ATRN: variants seen among roughly 807,000 people sequenced by gnomAD.
ATRN encodes the protein attractin-2.
A neutral mutation model predicts 178.7 loss-of-function variants in ATRN; 54 were observed. The observed-to-expected ratio is 0.30, with a 90% confidence interval of 0.24 to 0.38. The LOEUF (loss-of-function observed/expected upper bound fraction) is 0.38, where lower values mean the gene tolerates loss of function less well. Ranked by LOEUF, ATRN falls within the 10% of genes least tolerant of loss-of-function variation. The pLI, the probability that ATRN is intolerant of heterozygous loss-of-function variation, is 1.00. For missense variants in ATRN, 1,443 were observed against 1,815.1 expected (o/e 0.79, Z 3.73); for synonymous variants, 636 against 663.0 (o/e 0.96, Z 0.63).
Position 3,562,327 on chromosome 20 carries a change from G to A in ATRN, c.1499G>A (p.Gly500Asp), listed in dbSNP as rs774874714. ...ACCCAGGGTGCCCTTGTGCAAGGGGGTTACGGCCATAGCAGTGTTTACGAC... is the reference window on the plus strand; with the variant it reads ...ACCCAGGGTGCCCTTGTGCAAGGGGATTACGGCCATAGCAGTGTTTACGAC... ...LHTQGALVQG[G>D]YGHSSVYDHR... Residue 500 changes from glycine (G) to aspartate (D), a missense_variant, in exon 9 of 29, where the codon GGT becomes GAT. Transcript: ENST00000262919. 1 of 1,614,072 alleles carries A rather than the reference G, an allele frequency of 6.2e-7. No individual in the cohort carries two copies. The highest frequency in any genetic ancestry group is 8.5e-7 in the Non-Finnish European group (1 of 1,179,996).
chr20:3,518,176 T>C (rs1470401572), intron 1 of ATRN, among the ~76,000 whole-genome samples: 1 of 152,156 alleles, frequency 6.6e-6, no homozygotes, highest in Non-Finnish European at 1.5e-5. Context: ...GTCCAGGATG[T>C]TGGCAATCCA....
intron 1 of ATRN, among the ~76,000 whole-genome samples, chr20:3,525,791 T>G (rs879769813): frequency 2.6e-5 from 4 of 152,072 alleles, no homozygotes; most frequent in African/African-American, 7.2e-5. Context: ...ACAGAACCAA[T>G]GACAAAAACA....
chr20:3,550,769 C>G (rs1158204637), intron 6 of ATRN, among the ~76,000 whole-genome samples: 1 of 152,144 alleles, frequency 6.6e-6, no homozygotes, highest in African/African-American at 2.4e-5. Flanking sequence ...CTCTACAGAG[C>G]TTTTCTTACA....
At chr20:3,607,788 T>C (rs1035503761) in intron 24 of ATRN, among the ~76,000 whole-genome samples, 1 of 152,114 alleles carries the variant, frequency 6.6e-6, no homozygotes, top group African/African-American at 2.4e-5. Context: ...TGAGCAGTCT[T>C]CATACTGTCT....
intron 3 of ATRN, among the ~76,000 whole-genome samples, chr20:3,540,684 A>G (rs2085605892): frequency 6.6e-6 from 1 of 152,234 alleles, no homozygotes; most frequent in Admixed American, 6.5e-5. Context: ...TGAAAAATTT[A>G]AATCAGGAAT....
chr20:3,613,654 C>G (rs1256433460), intron 24 of ATRN, among the ~76,000 whole-genome samples: 2 of 152,172 alleles, frequency 1.3e-5, no homozygotes, highest in East Asian at 3.9e-4. Context: ...GCAGGCAAAG[C>G]CGTTTTGCCT....
intron 28 of ATRN, among the ~76,000 whole-genome samples, chr20:3,644,679 C>T (rs1220356646): frequency 6.6e-6 from 1 of 152,214 alleles, no homozygotes; most frequent in Non-Finnish European, 1.5e-5. Flanking sequence ...CTTCTCCACT[C>T]CACAACTTCC....
rs543256997 is a variant in ATRN, at chr20:3,605,526, C to A, written c.3801+1264C>A. Among the ~76,000 whole-genome samples, 7 of 152,262 alleles carry A rather than the reference C, an allele frequency of 4.6e-5. No homozygotes were observed. The South Asian group carries it at 1.2e-3, about 27-fold the overall frequency. ...AACCTAAATGCCCATCAGTGATAGA[C>A]TGGATAAAGAAAATGTGGTACATAT... On this transcript the variant is annotated intron_variant, in intron 24 of 28. Coordinates refer to ENST00000262919, the MANE Select transcript of ATRN (RefSeq NM_139321.3).
At chr20:3,527,246 C>A (rs545412879) in intron 1 of ATRN, among the ~76,000 whole-genome samples, 1 of 152,138 alleles carries the variant, frequency 6.6e-6, no homozygotes, top group African/African-American at 2.4e-5. Flanking sequence ...GCAAACAACC[C>A]CATCAAAAAG....
chr20:3,590,895 A>G (rs996109421), intron 18 of ATRN, among the ~76,000 whole-genome samples: 1 of 152,188 alleles, frequency 6.6e-6, no homozygotes, highest in African/African-American at 2.4e-5. Context: ...GTATACTGTC[A>G]TGAGCATACG....
intron 25 of ATRN, among the ~76,000 whole-genome samples, chr20:3,626,783 T>TTTC (rs1555826949): frequency 1.1e-5 from 1 of 93,624 alleles, no homozygotes; most frequent in East Asian, 4.7e-3. Flanking sequence ...AATTATTTCT[T>TTTC]TTTTTTTTTT....
chr20:3,582,642 A>G (rs1171060767), intron 16 of ATRN, among the ~76,000 whole-genome samples: 1 of 152,244 alleles, frequency 6.6e-6, no homozygotes, highest in Admixed American at 6.5e-5. Context: ...AAAAGTATTG[A>G]GAATTGCTCT....
intron 11 of ATRN, 61 bp from the exon 12 acceptor site, chr20:3,572,670 T>A (rs1600118530): frequency 1.4e-4 from 191 of 1,374,278 alleles, no homozygotes; most frequent in Middle Eastern, 1.1e-3. Context: ...AAAAAAAAAG[T>A]ATAGCATCCA....
Position 3,584,077 on chromosome 20 carries a change from T to C in ATRN, c.2944T>C (p.Cys982Arg). Reference protein sequence around the residue: ...QCMEWYTMSTCPPENCSGYCT... With the variant: ...QCMEWYTMSTRPPENCSGYCT... ...TATGGAATGGTATACGATGAGCACC[T>C]GCCCCCGTAAGTGAAAAAGGGAGCC... Residue 982 changes from cysteine (C) to arginine (R), a missense_variant, in exon 17 of 29, where the codon TGC becomes CGC. Physicochemically the swap from Cys to Arg is radical, Grantham distance 180 (BLOSUM62 -3). Transcript: ENST00000262919. 1.2e-6 allele frequency: 2 copies of C among 1,613,562 alleles called. No individual in the cohort carries two copies. Among genetic ancestry groups the C allele is most frequent in the Admixed American group, 3.3e-5 (2 of 60,016 alleles).
At chr20:3,541,206 T>C (rs1401082446) in intron 3 of ATRN, among the ~76,000 whole-genome samples, 1 of 150,952 alleles carries the variant, frequency 6.6e-6, no homozygotes, top group Non-Finnish European at 1.5e-5. Context: ...GCCTCCCGAG[T>C]AGCTGGGACT....
At chr20:3,628,838 T>G in intron 25 of ATRN, 1 of 966,726 alleles carries the variant, frequency 1.0e-6, no homozygotes, top group Non-Finnish European at 1.2e-6. Flanking sequence ...CTACTGCTGC[T>G]TCTTAGCCTG....
At chr20:3,639,509 T>C (rs576221172) in intron 27 of ATRN, among the ~76,000 whole-genome samples, 6 of 152,266 alleles carry the variant, frequency 3.9e-5, no homozygotes, top group African/African-American at 1.4e-4. Flanking sequence ...CACCTCGGCC[T>C]CCCAAAGTGC....
At chr20:3,571,837 C>T (rs997482412) in intron 11 of ATRN, among the ~76,000 whole-genome samples, 1 of 151,972 alleles carries the variant, frequency 6.6e-6, no homozygotes, top group African/African-American at 2.4e-5. Context: ...ATTCATATGA[C>T]CAGATTTTTC....
At chr20:3,490,306 G>A in intron 1 of ATRN, 1 of 1,044,704 alleles carries the variant, frequency 9.6e-7, no homozygotes, top group Admixed American at 1.7e-5. Flanking sequence ...CTCCAGCATG[G>A]GTCAGAGCGC....
Sources: allele counts gnomAD v4.1 joint callset (sites outside exome capture counted in the v4.1 genomes callset), GRCh38; gene constraint gnomAD v4.1.1; transcripts MANE v1.5; gene names NCBI Gene and HGNC (gene_info 2026-07-23, HGNC 2026-07-21).